Variants in PTCH2 observed in about 807,000 individuals in gnomAD.
PTCH2 encodes the protein patched 2.
A neutral mutation model predicts 117.9 loss-of-function variants in PTCH2; 96 were observed. That is an observed-to-expected ratio of 0.81 (90% confidence interval 0.69 to 0.96). The LOEUF (loss-of-function observed/expected upper bound fraction) is 0.96. Ranked by LOEUF, PTCH2 falls within the 50% of genes least tolerant of loss-of-function variation. The pLI, the probability that PTCH2 is intolerant of heterozygous loss-of-function variation, is 0.00. For synonymous variants in PTCH2, 615 were observed against 660.9 expected (o/e 0.93, Z 1.06); for missense variants, 1,379 against 1,562.5 (o/e 0.88, Z 1.98).
intron 7 of PTCH2, 66 bp downstream of exon 7, chr1:44,829,843 G>C (rs1449169734): frequency 2.1e-5 from 34 of 1,613,542 alleles, no homozygotes; most frequent in Non-Finnish European, 2.5e-5. Flanking sequence ...TGCCAGAGCT[G>C]CCTGGCATTA....
rs1273803879 is a variant in PTCH2, at chr1:44,822,638, A to G, written c.3389T>C (p.Ile1130Thr). The G allele has an allele frequency of 1.2e-6, 2 of 1,613,762 alleles. No homozygotes were observed. The highest frequency in any genetic ancestry group is 4.5e-5 in the East Asian group (2 of 44,860). Residue 1130 changes from isoleucine (I) to threonine (T), a missense_variant, in exon 22 of 22, where the codon ATC becomes ACC. Ile to Thr is a moderately conservative substitution (Grantham distance 89, BLOSUM62 -1). Coordinates refer to ENST00000372192, the MANE Select transcript of PTCH2 (RefSeq NM_003738.5). Reference protein sequence around the residue: ...VIQMYKESPEILSPPAPQGGG... With the variant: ...VIQMYKESPETLSPPAPQGGG... ...TCCCTGTGGAGCTGGTGGACTCAGG[A>G]TCTCTGGGCTTTCCTTGTACATCTG...
At position 44,830,987 on chromosome 1, in the gene PTCH2, A is replaced by G; in HGVS notation, c.674T>C (p.Leu225Pro). 6.2e-7 allele frequency: 1 copy of G among 1,612,528 alleles called. No homozygotes were observed. The highest frequency in any genetic ancestry group is 2.2e-5 in the East Asian group (1 of 44,868). Reference sequence around the variant, plus strand: ...GCCCTCAAGGGAGGCAAAGGGACCCAGCTCCTCCAGCAGCTGCTCTGGATC... The same window carrying G: ...GCCCTCAAGGGAGGCAAAGGGACCCGGCTCCTCCAGCAGCTGCTCTGGATC... ...NLDPEQLLEE[L>P]GPFASLEGFR... The change falls in exon 6 of 22, where the codon CTG (leucine) becomes CCG (proline). Residue 225 changes from leucine to proline, a missense_variant. Transcript: ENST00000372192.
In PTCH2 at chr1:44,829,322, G is replaced by C. The variant is rs369940240; in HGVS notation, c.1216-10C>G. 4.6e-5 allele frequency: 74 copies of C among 1,613,716 alleles called. No individual in the cohort carries two copies. Among genetic ancestry groups the C allele is most frequent in the Non-Finnish European group, 6.1e-5 (72 of 1,180,030 alleles). On this transcript the variant is annotated splice_polypyrimidine_tract_variant and intron_variant, in intron 9 of 21. Coordinates refer to ENST00000372192, the MANE Select transcript of PTCH2 (RefSeq NM_003738.5). The stretch of plus-strand genomic sequence containing the variant: ...CACAGGCATAGGCCAGCTGTGGGGG[G>C]AAAGGGCAGTCTCAGGGGCTCCCAG...
In PTCH2 at chr1:44,827,147, C is replaced by T. The variant is rs367932176; in HGVS notation, c.2514+20G>A. 44 of 1,613,910 alleles carry T rather than the reference C, an allele frequency of 2.7e-5. No individual in the cohort carries two copies. Among genetic ancestry groups the T allele is most frequent in the Middle Eastern group, 1.6e-4 (1 of 6,082 alleles). On this transcript the variant is annotated intron_variant, in intron 16 of 21. Coordinates refer to ENST00000372192, the MANE Select transcript of PTCH2 (RefSeq NM_003738.5). ...GCCTGCAGCCCCTGTACTAGTGGAC[C>T]CCTCCAGCCCTCTCCCAACCTGGCT...
chr1:44,829,319 G>A lies in PTCH2; in HGVS notation c.1216-7C>T, dbSNP rs1231441558. 1 of 1,613,822 alleles carries A rather than the reference G, an allele frequency of 6.2e-7. No individual in the cohort carries two copies. The highest frequency in any genetic ancestry group is 1.7e-5 in the Admixed American group (1 of 60,028). ...TCACACAGGCATAGGCCAGCTGTGG[G>A]GGGAAAGGGCAGTCTCAGGGGCTCC... On this transcript the variant is annotated splice_polypyrimidine_tract_variant and splice_region_variant and intron_variant, in intron 9 of 21. Coordinates refer to ENST00000372192, the MANE Select transcript of PTCH2 (RefSeq NM_003738.5).
chr1:44,839,276 C>T (rs529517147), intron 2 of PTCH2, among the ~76,000 whole-genome samples: 2 of 145,322 alleles, frequency 1.4e-5, no homozygotes, highest in African/African-American at 2.5e-5. Flanking sequence ...TCTGGAGAAT[C>T]GCTTGAACCC....
In PTCH2 at chr1:44,826,783, G is replaced by A. The variant is rs1653167182; in HGVS notation, c.2696-15C>T. Reference sequence around the variant, plus strand: ...AGCTGGCGGGACTGTGGAGGGGAGGGGAAGGGAGAAGAGGGAGAGGGACAG... The same window carrying A: ...AGCTGGCGGGACTGTGGAGGGGAGGAGAAGGGAGAAGAGGGAGAGGGACAG... On this transcript the variant is annotated splice_polypyrimidine_tract_variant and intron_variant, in intron 17 of 21. Coordinates refer to ENST00000372192, the MANE Select transcript of PTCH2 (RefSeq NM_003738.5). The surrounding 1 kb of genome is among the most constrained non-coding windows in gnomAD (Gnocchi z 5.1). 1 of 1,600,858 alleles carries A rather than the reference G, an allele frequency of 6.2e-7. No homozygotes were observed. Among genetic ancestry groups the A allele is most frequent in the Non-Finnish European group, 8.5e-7 (1 of 1,171,728 alleles).
intron 2 of PTCH2, among the ~76,000 whole-genome samples, chr1:44,834,086 C>T (rs914083987): frequency 2.0e-5 from 3 of 151,834 alleles, no homozygotes; most frequent in African/African-American, 7.3e-5. Flanking sequence ...TGAAAACAGT[C>T]TTCCTGTCCT....
chr1:44,822,150 T>C lies in PTCH2; in HGVS notation c.*265A>G. The C allele has an allele frequency of 7.1e-7, 1 of 1,409,018 alleles. No individual in the cohort carries two copies. The highest frequency in any genetic ancestry group is 9.2e-7 in the Non-Finnish European group (1 of 1,084,978). The allele number at this position is 1,409,018 out of a possible 1,614,324, so 87.3% of individuals were successfully genotyped here. ...CAGCTGGGCAGGCAGTGGTGTGGGGTGGGAAGGGGGACAGGGCTGCACTGC... is the reference window on the plus strand; with the variant it reads ...CAGCTGGGCAGGCAGTGGTGTGGGGCGGGAAGGGGGACAGGGCTGCACTGC... On this transcript the variant is annotated 3_prime_UTR_variant, in exon 22 of 22. Coordinates refer to ENST00000372192, the MANE Select transcript of PTCH2 (RefSeq NM_003738.5).
chr1:44,827,452 G>A lies in PTCH2; in HGVS notation c.2321C>T (p.Ala774Val). Residue 774 changes from alanine (A) to valine (V), a missense_variant, in exon 15 of 22, where the codon GCC (alanine) becomes GTC (valine). By Grantham distance (64) the Ala-to-Val change is moderately conservative. Transcript: ENST00000372192. ...SSLKAVLPPP[A>V]TQAPRTWLHY... ...CAGCCAGGTGCGGGGTGCCTGGGTG[G>A]CCGGTGGGGGCAGCACCGCCTTGAG... The A allele has an allele frequency of 6.2e-7, 1 of 1,614,128 alleles. No homozygotes were observed. Among genetic ancestry groups the A allele is most frequent in the Non-Finnish European group, 8.5e-7 (1 of 1,180,014 alleles).
chr1:44,826,237 TGCC>T lies in PTCH2; in HGVS notation c.3114+10_3114+12del. 1 of 1,613,456 alleles carries T rather than the reference TGCC, an allele frequency of 6.2e-7. No homozygotes were observed. The highest frequency in any genetic ancestry group is 8.5e-7 in the Non-Finnish European group (1 of 1,179,810). On this transcript the variant is annotated intron_variant, in intron 19 of 21. Transcript: ENST00000372192. This position sits in a 1 kb window ranked among gnomAD's most constrained non-coding sequence, Gnocchi z 5.1. ...TCAGCTGATTGGTCCCTCCCCGGGG[TGCC>T]CGTGCTCACCAGAGCCACGTGGACT...
At position 44,842,019 on chromosome 1, in the gene PTCH2, C is replaced by T. The variant is rs1260483693; in HGVS notation, c.93G>A (p.Lys31=). ...AAPQILAGSL[K]APLWLRAYFQ... is the part of the protein sequence containing the mutation. ...AGTAAGCACGAAGCCAGAGTGGAGCCTTCAGGCTCCCAGCTAGGATCTGGG... is the reference window on the plus strand; with the variant it reads ...AGTAAGCACGAAGCCAGAGTGGAGCTTTCAGGCTCCCAGCTAGGATCTGGG... The change falls in exon 2 of 22, where the codon AAG becomes AAA. Residue 31 remains lysine (K), a synonymous_variant. Transcript: ENST00000372192. 1 of 1,613,434 alleles carries T rather than the reference C, an allele frequency of 6.2e-7. No individual in the cohort carries two copies. Among genetic ancestry groups the T allele is most frequent in the Non-Finnish European group, 8.5e-7 (1 of 1,179,660 alleles).
chr1:44,831,625 A>G lies in PTCH2; in HGVS notation c.617+81T>C. On this transcript the variant is annotated intron_variant, in intron 5 of 21. Coordinates refer to ENST00000372192, the MANE Select transcript of PTCH2 (RefSeq NM_003738.5). The surrounding 1 kb of genome is among the most constrained non-coding windows in gnomAD (Gnocchi z 4.3). ...TTAGGACCTTGGTAAGGTTTTGATC[A>G]TCCTCATTCCCCAGACCCCTCCTTT... The G allele has an allele frequency of 7.3e-7, 1 of 1,375,914 alleles. No individual in the cohort carries two copies. Among genetic ancestry groups the G allele is most frequent in the Non-Finnish European group, 1.0e-6 (1 of 988,078 alleles). 85.2% of individuals were successfully genotyped at this position (1,375,914 alleles called of 1,614,324 possible). A position where few individuals can be genotyped will look rare whatever the true frequency, so the allele number is the denominator to read the frequency against.
At chr1:44,832,862 T>C (rs918024313) in intron 2 of PTCH2, among the ~76,000 whole-genome samples, 1 of 152,158 alleles carries the variant, frequency 6.6e-6, no homozygotes, top group African/African-American at 2.4e-5. Context: ...CCACACACCT[T>C]TCTGCAAAGT....
chr1:44,842,177 C>T, intron 1 of PTCH2, 138 bp from the exon 2 acceptor site: 3 of 790,376 alleles, frequency 3.8e-6, no homozygotes, highest in South Asian at 3.1e-5. Flanking sequence ...AACACAGACA[C>T]AGGCCCAGAC....
chr1:44,843,073 G>T lies in PTCH2; in HGVS notation c.-141C>A. Reference sequence around the variant, plus strand: ...AAGGCGCGGGCGTGGGAGAGACTGTGGGGTGTGGGTGTTAAAGCGGCTGGG... The same window carrying T: ...AAGGCGCGGGCGTGGGAGAGACTGTTGGGTGTGGGTGTTAAAGCGGCTGGG... On this transcript the variant is annotated 5_prime_UTR_variant, in exon 1 of 22. Transcript: ENST00000372192. The T allele has an allele frequency of 7.1e-7, 1 of 1,415,964 alleles. No homozygotes were observed. The highest frequency in any genetic ancestry group is 9.2e-7 in the Non-Finnish European group (1 of 1,089,412). 87.7% of individuals were successfully genotyped at this position (1,415,964 alleles called of 1,614,324 possible).
intron 6 of PTCH2, 121 bp from the exon 7 acceptor site, chr1:44,830,151 A>G: frequency 7.3e-7 from 1 of 1,368,770 alleles, no homozygotes; most frequent in Non-Finnish European, 1.0e-6. Flanking sequence ...AGTGTAGGTA[A>G]CTATTCTGAG....
chr1:44,839,390 GA>G (rs956739009), intron 2 of PTCH2, among the ~76,000 whole-genome samples: 16 of 113,094 alleles, frequency 1.4e-4, no homozygotes, highest in South Asian at 1.2e-3. Flanking sequence ...AAAACAGAAA[GA>G]AAAAAAAAGA....
intron 2 of PTCH2, among the ~76,000 whole-genome samples, chr1:44,841,167 TCAAA>T (rs751609475): frequency 8.1e-5 from 12 of 148,676 alleles, no homozygotes; most frequent in Middle Eastern, 3.2e-3. Context: ...AGACTCTGTC[TCAAA>T]CAAACAAACA....
Sources: gnomAD v4.1 joint callset for allele counts (sites outside exome capture counted in the v4.1 genomes callset) on GRCh38, gnomAD v4.1.1 for gene constraint, Gnocchi (gnomAD v3.1) non-coding constraint, MANE v1.5 for transcripts, NCBI Gene and HGNC (gene_info 2026-07-23, HGNC 2026-07-21) for gene names.